VIPR2: variants seen among roughly 807,000 people sequenced by gnomAD.
The protein encoded by VIPR2 is vasoactive intestinal polypeptide receptor 2.
A neutral mutation model predicts 58.0 loss-of-function variants in VIPR2; 48 were observed. That is an observed-to-expected ratio of 0.83 (90% CI 0.66 to 1.05). VIPR2 has a LOEUF of 1.05. Among genes scored for constraint, VIPR2 ranks in the 50% least tolerant of loss-of-function variants. The pLI is 0.00. For synonymous variants in VIPR2, 243 were observed against 235.2 expected (o/e 1.03, Z -0.30); for missense variants, 534 against 558.0 (o/e 0.96, Z 0.43).
rs759076482 is a variant in VIPR2, at chr7:159,121,614, A to G, written c.152-11695T>C. On this transcript the variant is annotated intron_variant, in intron 2 of 12. Coordinates refer to ENST00000262178, the MANE Select transcript of VIPR2 (RefSeq NM_003382.5). ...TGCTTTCCCACTTAATATATCATGC[A>G]TATTTTTCATGTTATTCATGTAGAA... 6.4e-4 allele frequency among the ~76,000 whole-genome samples: 97 copies of G among 152,350 alleles called. No homozygotes were observed. The Middle Eastern group carries it at 0.02, about 32-fold the overall frequency.
At chr7:159,139,959 T>C (rs560784623) in intron 2 of VIPR2, among the ~76,000 whole-genome samples, 1 of 152,376 alleles carries the variant, frequency 6.6e-6, no homozygotes, top group African/African-American at 2.4e-5. Flanking sequence ...AAAGCTTGTC[T>C]TAGTGATGCA....
At chr7:159,038,309 G>A (rs1854101146) in intron 6 of VIPR2, among the ~76,000 whole-genome samples, 1 of 152,034 alleles carries the variant, frequency 6.6e-6, no homozygotes, top group African/African-American at 2.4e-5. Flanking sequence ...AGCAGGGTGG[G>A]TGCTTCATTT....
chr7:159,109,783 A>C (rs1000243459), intron 3 of VIPR2, 29 bp downstream of exon 3: 2 of 1,598,922 alleles, frequency 1.3e-6, no homozygotes, highest in African/African-American at 2.7e-5. Flanking sequence ...ACCCTGGAGG[A>C]GCTCAGGAAC....
intron 2 of VIPR2, among the ~76,000 whole-genome samples, chr7:159,139,020 G>A (rs1371688265): frequency 6.6e-6 from 1 of 152,190 alleles, no homozygotes; most frequent in African/African-American, 2.4e-5. Flanking sequence ...ATCACACAGT[G>A]AGTTATGATC....
At chr7:159,038,139 C>T (rs1854089166) in intron 6 of VIPR2, among the ~76,000 whole-genome samples, 1 of 152,216 alleles carries the variant, frequency 6.6e-6, no homozygotes, top group African/African-American at 2.4e-5. Flanking sequence ...TCAATTTGGC[C>T]TCCGGGGTCC....
At chr7:159,076,721 A>G (rs1425475096) in intron 4 of VIPR2, among the ~76,000 whole-genome samples, 1 of 152,194 alleles carries the variant, frequency 6.6e-6, no homozygotes, top group Non-Finnish European at 1.5e-5. Flanking sequence ...TAATTCTAAA[A>G]CTTTCAGAAA....
At chr7:159,037,333 CAT>C (rs750760644) in intron 6 of VIPR2, among the ~76,000 whole-genome samples, 5 of 152,176 alleles carry the variant, frequency 3.3e-5, no homozygotes, top group Non-Finnish European at 5.9e-5. Context: ...GGCAGGAGGT[CAT>C]GTGTGGGGCG....
chr7:159,060,222 G>GT (rs1351577416), intron 4 of VIPR2, among the ~76,000 whole-genome samples: 1 of 140,262 alleles, frequency 7.1e-6, no homozygotes, highest in Non-Finnish European at 1.5e-5. Flanking sequence ...TACCTAATCT[G>GT]TACTCACTTC....
intron 2 of VIPR2, among the ~76,000 whole-genome samples, chr7:159,129,392 G>GTCCTCCCCTCTT (rs1796793471): frequency 7.4e-6 from 1 of 135,880 alleles, no homozygotes; most frequent in Non-Finnish European, 1.5e-5. Flanking sequence ...ACTGGCCTCT[G>GTCCTCCCCTCTT]GCGGGGACAG....
At chr7:159,132,065 C>A (rs1324141759) in intron 2 of VIPR2, among the ~76,000 whole-genome samples, 1 of 151,916 alleles carries the variant, frequency 6.6e-6, no homozygotes, top group East Asian at 1.9e-4. Flanking sequence ...ATAAAAGCCT[C>A]CCCCTCACAT....
In VIPR2 at chr7:159,098,897, G is replaced by A. The variant is rs1858032419; in HGVS notation, c.357+4860C>T. On this transcript the variant is annotated intron_variant, in intron 4 of 12. Coordinates refer to ENST00000262178, the MANE Select transcript of VIPR2 (RefSeq NM_003382.5). This position sits in a 1 kb window ranked among gnomAD's most constrained non-coding sequence, Gnocchi z 5.2. ...GTGGGCCTGATGGGACGAAGCGTGAGCTCCGGGCAGGAGAAACTCTGTTCA... is the reference window on the plus strand; with the variant it reads ...GTGGGCCTGATGGGACGAAGCGTGAACTCCGGGCAGGAGAAACTCTGTTCA... 6.6e-6 allele frequency among the ~76,000 whole-genome samples: 1 copy of A among 152,248 alleles called. No individual in the cohort carries two copies. The highest frequency in any genetic ancestry group is 2.4e-5 in the African/African-American group (1 of 41,482).
chr7:159,101,937 G>C (rs1293661109), intron 4 of VIPR2, among the ~76,000 whole-genome samples: 1 of 147,436 alleles, frequency 6.8e-6, no homozygotes, highest in Non-Finnish European at 1.5e-5. Flanking sequence ...TCCTGTGGTA[G>C]TGAATGAGTC....
chr7:159,127,303 C>T lies in VIPR2; in HGVS notation c.151+15143G>A, dbSNP rs140050820. Among the ~76,000 whole-genome samples the T allele has an allele frequency of 4.2e-3, 636 of 152,272 alleles. 4 individuals carry two copies. The highest frequency in any genetic ancestry group is 0.015 in the African/African-American group (610 of 41,562). ...GCAGAATTCTGAATTTCAGAAACAG[C>T]GGTTTGATTCTGGGTTGGGGTTCAG... On this transcript the variant is annotated intron_variant, in intron 2 of 12. Coordinates refer to ENST00000262178, the MANE Select transcript of VIPR2 (RefSeq NM_003382.5). This position sits in a 1 kb window ranked among gnomAD's most constrained non-coding sequence, Gnocchi z 4.6.
At chr7:159,103,219 T>C (rs529600696) in intron 4 of VIPR2, among the ~76,000 whole-genome samples, 7 of 152,300 alleles carry the variant, frequency 4.6e-5, no homozygotes, top group South Asian at 2.1e-4. Context: ...GCAGCCCGGA[T>C]TGGGGGGTCC....
At chr7:159,044,010 A>G (rs1340531684) in intron 5 of VIPR2, among the ~76,000 whole-genome samples, 4 of 152,218 alleles carry the variant, frequency 2.6e-5, no homozygotes, top group Non-Finnish European at 5.9e-5. Context: ...AGAATCAGAG[A>G]ATCCCACAAG....
intron 4 of VIPR2, among the ~76,000 whole-genome samples, chr7:159,100,638 G>A (rs546733858): frequency 2.0e-5 from 3 of 152,358 alleles, no homozygotes; most frequent in East Asian, 3.8e-4. Context: ...CCATAATTCC[G>A]ACATGTGGGA....
rs115609914 is a variant in VIPR2, at chr7:159,125,747, G to A, written c.152-15828C>T. ...GACCCTTCAAAATAACACCATTCCT[G>A]GACACCTGGTGTCAGCCTGGACACT... is the stretch of plus-strand genomic sequence containing the variant. On this transcript the variant is annotated intron_variant, in intron 2 of 12. Transcript: ENST00000262178. Among the ~76,000 whole-genome samples, 349 of 152,158 alleles carry A rather than the reference G, an allele frequency of 2.3e-3. 1 individual carries two copies. Among genetic ancestry groups the A allele is most frequent in the African/African-American group, 8.1e-3 (334 of 41,480 alleles).
At chr7:159,089,393 C>T (rs1167918298) in intron 4 of VIPR2, among the ~76,000 whole-genome samples, 1 of 66,798 alleles carries the variant, frequency 1.5e-5, no homozygotes, top group Non-Finnish European at 2.9e-5. Context: ...GCCTCGGCTC[C>T]TCATCTGTGG....
chr7:159,108,704 G>C (rs1421765645), intron 3 of VIPR2, among the ~76,000 whole-genome samples: 1 of 152,192 alleles, frequency 6.6e-6, no homozygotes, highest in African/African-American at 2.4e-5. Context: ...AAACTACCAG[G>C]CTGCTGGGTG....
Sources: gnomAD v4.1 joint callset for allele counts (sites outside exome capture counted in the v4.1 genomes callset) on GRCh38, gnomAD v4.1.1 for gene constraint, Gnocchi (gnomAD v3.1) non-coding constraint, MANE v1.5 for transcripts, NCBI Gene and HGNC (gene_info 2026-07-23, HGNC 2026-07-21) for gene names.